ZBTB20: variants seen among roughly 807,000 people sequenced by gnomAD.
ZBTB20 encodes the protein zinc finger and BTB domain containing 20.
ZBTB20 carries 9 observed loss-of-function variants against 56.9 expected under a neutral mutation model. The observed-to-expected ratio is 0.16, with a 90% CI of 0.10 to 0.28. ZBTB20 has a LOEUF of 0.28. Ranked by LOEUF, ZBTB20 falls within the 10% of genes least tolerant of loss-of-function variation. The pLI is 1.00. For missense variants in ZBTB20, 655 were observed against 1,003.0 expected, an observed-to-expected ratio of 0.65 and a Z score of 4.69; for synonymous variants, 417 against 420.7, an observed-to-expected ratio of 0.99 and a Z score of 0.11.
intron 7 of ZBTB20, among the ~76,000 whole-genome samples, chr3:114,465,217 G>T (rs983375899): frequency 2.6e-5 from 4 of 152,068 alleles, no homozygotes; most frequent in South Asian, 2.1e-4. Context: ...GTGAGTGTTT[G>T]TTCTCTGTTA....
At chr3:114,440,736 G>T (rs571620920) in intron 7 of ZBTB20, among the ~76,000 whole-genome samples, 2 of 152,132 alleles carry the variant, frequency 1.3e-5, no homozygotes, top group Non-Finnish European at 2.9e-5. Context: ...CCCTTCTCTC[G>T]CAAGAGCTAG....
At chr3:115,126,685 G>T (rs2108657608) in intron 1 of ZBTB20, among the ~76,000 whole-genome samples, 1 of 152,246 alleles carries the variant, frequency 6.6e-6, no homozygotes, top group South Asian at 2.1e-4. Flanking sequence ...CCATCTGCAG[G>T]AGTAATATTA....
At chr3:114,977,800 A>T (rs982319498) in intron 2 of ZBTB20, among the ~76,000 whole-genome samples, 3 of 152,094 alleles carry the variant, frequency 2.0e-5, no homozygotes, top group Admixed American at 2.0e-4. Context: ...TTACTACTTA[A>T]AATTAAAAAT....
intron 6 of ZBTB20, among the ~76,000 whole-genome samples, chr3:114,573,589 AAAAAGAAAAG>A (rs960974123): frequency 2.6e-5 from 4 of 151,804 alleles, no homozygotes; most frequent in Non-Finnish European, 4.4e-5. Context: ...AGGAAAAAGA[AAAAAGAAAAG>A]AAAAGAAAAG....
At chr3:115,123,972 C>G (rs2084253208) in intron 1 of ZBTB20, among the ~76,000 whole-genome samples, 1 of 152,144 alleles carries the variant, frequency 6.6e-6, no homozygotes, top group African/African-American at 2.4e-5. Flanking sequence ...GCCACCTGAC[C>G]ACTCTTGGCC....
chr3:114,400,181 G>GC (rs1432274221), intron 7 of ZBTB20, among the ~76,000 whole-genome samples: 3 of 152,122 alleles, frequency 2.0e-5, no homozygotes, highest in Non-Finnish European at 2.9e-5. Context: ...GTAAGAACCA[G>GC]CCGTGTGACC....
intron 5 of ZBTB20, among the ~76,000 whole-genome samples, chr3:114,724,821 T>C (rs16823137): frequency 0.13 from 20,102 of 152,134 alleles, 2,144 homozygotes; most frequent in African/African-American, 0.28. Flanking sequence ...AGATTTGATT[T>C]GCCAAAGAAA....
At chr3:114,734,376 A>G (rs1432696700) in intron 5 of ZBTB20, among the ~76,000 whole-genome samples, 1 of 152,096 alleles carries the variant, frequency 6.6e-6, no homozygotes, top group Non-Finnish European at 1.5e-5. Flanking sequence ...TCAGATTGGA[A>G]TACAAGCTGT....
Position 114,338,958 on chromosome 3 carries a change from TTTG to T in ZBTB20, c.*44_*46del, listed in dbSNP as rs1560090692. ...CCATAGCTTTTTTGTTTGTTTGTTT[TTTG>T]TTGTTGTTTTGTTTTGTTCATAAGA... On this transcript the variant is annotated 3_prime_UTR_variant, in exon 12 of 12. Transcript: ENST00000675478. 20 of 1,454,978 alleles carry T rather than the reference TTTG, an allele frequency of 1.4e-5. No individual in the cohort carries two copies. The highest frequency in any genetic ancestry group is 5.0e-5 in the South Asian group (3 of 60,028). The allele number at this position is 1,454,978 out of a possible 1,614,324, so 90.1% of individuals were successfully genotyped here. A position where few individuals can be genotyped will look rare whatever the true frequency, so the allele number is the denominator to read the frequency against.
At chr3:114,614,946 C>G (rs144594382) in intron 6 of ZBTB20, among the ~76,000 whole-genome samples, 1 of 151,920 alleles carries the variant, frequency 6.6e-6, no homozygotes, top group African/African-American at 2.4e-5. Context: ...TTAGTAGAGA[C>G]GAGGTTTCAT....
At chr3:114,701,627 T>A (rs2063390810) in intron 5 of ZBTB20, among the ~76,000 whole-genome samples, 1 of 152,174 alleles carries the variant, frequency 6.6e-6, no homozygotes, top group South Asian at 2.1e-4. Context: ...CTAACCTGCG[T>A]AAGGAAACAG....
chr3:114,833,044 A>G (rs559251552), intron 4 of ZBTB20, among the ~76,000 whole-genome samples: 8 of 152,290 alleles, frequency 5.3e-5, no homozygotes, highest in Non-Finnish European at 4.4e-5. Context: ...TAAGAGCTTT[A>G]TATTCTAGAA....
At chr3:114,726,161 G>A (rs1452015964) in intron 5 of ZBTB20, among the ~76,000 whole-genome samples, 1 of 152,154 alleles carries the variant, frequency 6.6e-6, no homozygotes, top group African/African-American at 2.4e-5. Context: ...GTGAGGAAGA[G>A]ACATTTGAAT....
chr3:114,654,060 T>C (rs1358266615), intron 6 of ZBTB20, among the ~76,000 whole-genome samples: 1 of 151,876 alleles, frequency 6.6e-6, no homozygotes, highest in Non-Finnish European at 1.5e-5. Flanking sequence ...AATATTCATG[T>C]TTTGCTTTCA....
chr3:114,537,012 G>A (rs1187593607), intron 6 of ZBTB20, among the ~76,000 whole-genome samples: 2 of 152,210 alleles, frequency 1.3e-5, no homozygotes. Context: ...AGACCTAAAT[G>A]TAAGACCTCA....
chr3:114,584,864 A>G (rs552347907), intron 6 of ZBTB20, among the ~76,000 whole-genome samples: 1 of 152,270 alleles, frequency 6.6e-6, no homozygotes, highest in South Asian at 2.1e-4. Flanking sequence ...CTATCAGTGT[A>G]CCCTTAACAG....
At chr3:114,461,366 G>A (rs1158386179) in intron 7 of ZBTB20, among the ~76,000 whole-genome samples, 1 of 151,228 alleles carries the variant, frequency 6.6e-6, no homozygotes, top group Non-Finnish European at 1.5e-5. Context: ...CTGGTGGTGT[G>A]ATCACAGCTC....
At chr3:114,414,926 T>C (rs961420463) in intron 7 of ZBTB20, among the ~76,000 whole-genome samples, 1 of 151,904 alleles carries the variant, frequency 6.6e-6, no homozygotes, top group African/African-American at 2.4e-5. Flanking sequence ...TTGTATATTT[T>C]TGCTCCCCTT....
At chr3:114,935,281 G>C (rs2076494810) in intron 3 of ZBTB20, among the ~76,000 whole-genome samples, 1 of 152,142 alleles carries the variant, frequency 6.6e-6, no homozygotes, top group African/African-American at 2.4e-5. Flanking sequence ...CTAAAATCTT[G>C]TCAGAGTAAT....
Sources: allele counts gnomAD v4.1 joint callset (sites outside exome capture counted in the v4.1 genomes callset), GRCh38; gene constraint gnomAD v4.1.1; transcripts MANE v1.5; gene names NCBI Gene and HGNC (gene_info 2026-07-23, HGNC 2026-07-21).